LHFPL4: variants seen among roughly 807,000 people sequenced by gnomAD.
The protein encoded by LHFPL4 is LHFPL tetraspan subfamily member 4.
Under a neutral mutation model 20.0 loss-of-function variants are expected in LHFPL4, and 6 were observed. The observed-to-expected ratio is 0.30, with a 90% CI of 0.16 to 0.59. The LOEUF is 0.59. Ranked by LOEUF, LHFPL4 falls within the 20% of genes least tolerant of loss-of-function variation. LHFPL4 has a pLI of 0.88. For missense variants in LHFPL4, 215 were observed against 331.2 expected, an observed-to-expected ratio of 0.65 and a Z score of 2.72; for synonymous variants, 129 against 143.8, an observed-to-expected ratio of 0.90 and a Z score of 0.74.
chr3:9,503,747 C>T (rs1276846349), intron 3 of LHFPL4, among the ~76,000 whole-genome samples: 1 of 152,154 alleles, frequency 6.6e-6, no homozygotes, highest in African/African-American at 2.4e-5. Context: ...TACAATGTGC[C>T]AGGTAAGGTG....
At chr3:9,551,233 C>T (rs1010521766) in intron 2 of LHFPL4, among the ~76,000 whole-genome samples, 1 of 152,150 alleles carries the variant, frequency 6.6e-6, no homozygotes, top group African/African-American at 2.4e-5. Context: ...TCCTGAGGTG[C>T]TTATTTTAAA....
intron 2 of LHFPL4, among the ~76,000 whole-genome samples, chr3:9,520,127 A>G (rs894379946): frequency 1.3e-5 from 2 of 151,884 alleles, no homozygotes; most frequent in Non-Finnish European, 2.9e-5. Flanking sequence ...GTCATCCCTC[A>G]AGTTTTTGTA....
intron 2 of LHFPL4, among the ~76,000 whole-genome samples, chr3:9,517,246 A>C (rs773066571): frequency 6.6e-6 from 1 of 152,136 alleles, no homozygotes; most frequent in Non-Finnish European, 1.5e-5. Context: ...GGACAGAATA[A>C]CTTGCCAGGA....
intron 2 of LHFPL4, among the ~76,000 whole-genome samples, chr3:9,520,960 A>G (rs2046333315): frequency 6.6e-6 from 1 of 152,018 alleles, no homozygotes; most frequent in African/African-American, 2.4e-5. Context: ...CTATGTCCTT[A>G]CTGATTTTTC....
chr3:9,542,398 T>C (rs1231034572), intron 2 of LHFPL4, among the ~76,000 whole-genome samples: 2 of 152,174 alleles, frequency 1.3e-5, no homozygotes, highest in Non-Finnish European at 2.9e-5. Context: ...CAAAACATGG[T>C]ATGCCCATTC....
At chr3:9,517,686 C>CAAA (rs59022029) in intron 2 of LHFPL4, among the ~76,000 whole-genome samples, 6 of 96,494 alleles carry the variant, frequency 6.2e-5, no homozygotes, top group African/African-American at 2.3e-4. Flanking sequence ...GACTCTGTCT[C>CAAA]AAAAAAAAAA....
intron 2 of LHFPL4, among the ~76,000 whole-genome samples, chr3:9,541,423 T>C (rs1402858715): frequency 2.0e-5 from 3 of 152,172 alleles, no homozygotes; most frequent in African/African-American, 7.2e-5. Context: ...AATAGCCACA[T>C]GCAAAAGAAT....
At chr3:9,531,206 A>G (rs1279770336) in intron 2 of LHFPL4, among the ~76,000 whole-genome samples, 1 of 152,226 alleles carries the variant, frequency 6.6e-6, no homozygotes, top group Non-Finnish European at 1.5e-5. Flanking sequence ...CATAATAGAA[A>G]GGTTTGAGAT....
chr3:9,534,790 A>T (rs572723808), intron 2 of LHFPL4, among the ~76,000 whole-genome samples: 319 of 152,316 alleles, frequency 2.1e-3, no homozygotes, highest in Non-Finnish European at 3.8e-3. Flanking sequence ...TATAGAAATC[A>T]TGGATTAATC....
chr3:9,512,179 C>A (rs566952277), intron 2 of LHFPL4, among the ~76,000 whole-genome samples: 6 of 152,190 alleles, frequency 3.9e-5, no homozygotes, highest in Admixed American at 3.9e-4. Flanking sequence ...GATCCACCCG[C>A]CTTGGCCTCC....
At chr3:9,516,297 A>G (rs1354987926) in intron 2 of LHFPL4, among the ~76,000 whole-genome samples, 1 of 151,974 alleles carries the variant, frequency 6.6e-6, no homozygotes, top group African/African-American at 2.4e-5. Context: ...ATTATCTTGC[A>G]TGTGGATATT....
chr3:9,553,207 A>T (rs1490902471), intron 1 of LHFPL4, among the ~76,000 whole-genome samples: 1 of 150,048 alleles, frequency 6.7e-6, no homozygotes, highest in East Asian at 2.0e-4. Flanking sequence ...GCAAGGGACT[A>T]TGAGGCGGTG....
chr3:9,527,621 T>G (rs112958442), intron 2 of LHFPL4, among the ~76,000 whole-genome samples: 5 of 151,976 alleles, frequency 3.3e-5, no homozygotes, highest in Admixed American at 1.3e-4. Flanking sequence ...GTGGGAGGAT[T>G]GCTTGAGGTC....
chr3:9,538,149 G>A (rs1004343647), intron 2 of LHFPL4, among the ~76,000 whole-genome samples: 3 of 151,920 alleles, frequency 2.0e-5, no homozygotes, highest in Non-Finnish European at 2.9e-5. Flanking sequence ...CTCTCCATCC[G>A]CCATCCTTGG....
intron 2 of LHFPL4, among the ~76,000 whole-genome samples, chr3:9,516,532 G>A (rs1447646247): frequency 6.6e-6 from 1 of 151,682 alleles, no homozygotes; most frequent in Non-Finnish European, 1.5e-5. Flanking sequence ...AGAGTACAGT[G>A]GCACGATCTA....
chr3:9,508,012 G>A (rs1476743373), intron 2 of LHFPL4, among the ~76,000 whole-genome samples: 2 of 152,202 alleles, frequency 1.3e-5, no homozygotes, highest in East Asian at 3.8e-4. Context: ...CCTTGAGCCT[G>A]CACCAGGTCC....
chr3:9,534,073 AG>A (rs994752746), intron 2 of LHFPL4, among the ~76,000 whole-genome samples: 8 of 152,118 alleles, frequency 5.3e-5, no homozygotes, highest in Admixed American at 2.6e-4. Context: ...AAAATTAGCC[AG>A]GCATGGTGGT....
chr3:9,528,354 A>T (rs1339404353), intron 2 of LHFPL4, among the ~76,000 whole-genome samples: 1 of 152,212 alleles, frequency 6.6e-6, no homozygotes. Flanking sequence ...TTCCATCTCA[A>T]GAAACCACTG....
intron 2 of LHFPL4, among the ~76,000 whole-genome samples, chr3:9,518,931 T>TTATA (rs1232136778): frequency 7.0e-6 from 1 of 143,186 alleles, no homozygotes; most frequent in Non-Finnish European, 1.5e-5. Flanking sequence ...TTTTGTTTAT[T>TTATA]TATTTATTTA....
Sources: gnomAD v4.1 joint callset for allele counts (sites outside exome capture counted in the v4.1 genomes callset) on GRCh38, gnomAD v4.1.1 for gene constraint, MANE v1.5 for transcripts, NCBI Gene and HGNC (gene_info 2026-07-23, HGNC 2026-07-21) for gene names.